Variants in CALD1 observed in about 807,000 individuals in gnomAD.
CALD1 encodes caldesmon 1.
A neutral mutation model predicts 99.9 loss-of-function variants in CALD1; 33 were observed. That is an observed-to-expected ratio of 0.33 (90% CI 0.25 to 0.44). The LOEUF (loss-of-function observed/expected upper bound fraction) is 0.44, where lower values mean the gene tolerates loss of function less well. Among genes scored for constraint, CALD1 ranks in the 20% least tolerant of loss-of-function variants. The probability of loss-of-function intolerance (pLI) is 1.00; values close to 1 mark genes in which losing one functional copy is unlikely to be tolerated. For synonymous variants in CALD1, 310 were observed against 325.0 expected (o/e 0.95, Z 0.50); for missense variants, 861 against 962.1 (o/e 0.89, Z 1.39).
intron 1 of CALD1, among the ~76,000 whole-genome samples, chr7:134,773,859 A>C (rs1215282061): frequency 6.9e-6 from 1 of 145,430 alleles, no homozygotes; most frequent in Non-Finnish European, 1.5e-5. Flanking sequence ...CTCTTTCCTT[A>C]ATGTGATGCT....
chr7:134,954,857 T>A (rs1236781992), intron 9 of CALD1, among the ~76,000 whole-genome samples: 3 of 152,234 alleles, frequency 2.0e-5, no homozygotes, highest in Non-Finnish European at 4.4e-5. Flanking sequence ...CTTTCCTGGC[T>A]AAGCCATGCA....
At chr7:134,879,475 C>T (rs1016384984) in intron 3 of CALD1, among the ~76,000 whole-genome samples, 3 of 152,178 alleles carry the variant, frequency 2.0e-5, no homozygotes, top group African/African-American at 7.2e-5. Context: ...TAAAGTACAA[C>T]TTTGAATTAT....
At chr7:134,941,282 A>AT in intron 7 of CALD1, 45 bp downstream of exon 7, 3 of 1,467,842 alleles carry the variant, frequency 2.0e-6, no homozygotes, top group South Asian at 1.3e-5. Flanking sequence ...TCACATGCAA[A>AT]GAAAAAAAAA....
intron 3 of CALD1, among the ~76,000 whole-genome samples, chr7:134,881,357 G>A (rs1451199950): frequency 6.6e-6 from 1 of 152,058 alleles, no homozygotes; most frequent in Non-Finnish European, 1.5e-5. Flanking sequence ...TCACATTAGA[G>A]CTAAATGTCC....
chr7:134,944,135 G>A (rs1247669043), intron 7 of CALD1, among the ~76,000 whole-genome samples: 3 of 152,188 alleles, frequency 2.0e-5, no homozygotes, highest in African/African-American at 7.2e-5. Context: ...TCACAGGCCT[G>A]TGAACCTAGA....
chr7:134,818,814 G>C (rs1563022443), intron 1 of CALD1, among the ~76,000 whole-genome samples: 1 of 152,172 alleles, frequency 6.6e-6, no homozygotes, highest in Non-Finnish European at 1.5e-5. Flanking sequence ...AGCTGGACAT[G>C]ATGTGAAGTT....
intron 3 of CALD1, among the ~76,000 whole-genome samples, chr7:134,893,424 G>C (rs1802343150): frequency 6.6e-6 from 1 of 152,174 alleles, no homozygotes; most frequent in African/African-American, 2.4e-5. Flanking sequence ...ATAAATAAAT[G>C]ATGGGCATAA....
intron 1 of CALD1, among the ~76,000 whole-genome samples, chr7:134,752,998 A>G (rs1796697775): frequency 7.3e-6 from 1 of 137,154 alleles, no homozygotes; most frequent in African/African-American, 2.8e-5. Context: ...CAACAGAACG[A>G]GACTCTGTAT....
At chr7:134,791,429 C>T (rs1454079557) in intron 1 of CALD1, among the ~76,000 whole-genome samples, 1 of 152,146 alleles carries the variant, frequency 6.6e-6, no homozygotes, top group Non-Finnish European at 1.5e-5. Flanking sequence ...AACTCCTGAC[C>T]TCAAGTGATC....
chr7:134,836,697 C>T (rs1799455312), intron 1 of CALD1, among the ~76,000 whole-genome samples: 1 of 152,198 alleles, frequency 6.6e-6, no homozygotes, highest in African/African-American at 2.4e-5. Context: ...GCTACTTTCC[C>T]ATGAGAAGTT....
chr7:134,925,068 A>T (rs1280824512), intron 3 of CALD1, among the ~76,000 whole-genome samples: 1 of 152,184 alleles, frequency 6.6e-6, no homozygotes, highest in East Asian at 1.9e-4. Context: ...GCAGTTCTTT[A>T]TAGCAGTGTG....
At chr7:134,789,565 A>G (rs1308730130) in intron 1 of CALD1, among the ~76,000 whole-genome samples, 2 of 152,154 alleles carry the variant, frequency 1.3e-5, no homozygotes, top group Admixed American at 1.3e-4. Flanking sequence ...ATATCTTGAA[A>G]CTGCTTTGCA....
chr7:134,910,909 G>C (rs1803756716), intron 3 of CALD1, among the ~76,000 whole-genome samples: 1 of 152,190 alleles, frequency 6.6e-6, no homozygotes, highest in Admixed American at 6.5e-5. Flanking sequence ...GAGAAGCAAA[G>C]AAATGCATTA....
intron 1 of CALD1, among the ~76,000 whole-genome samples, chr7:134,792,157 A>T (rs1425774593): frequency 3.9e-5 from 6 of 152,168 alleles, no homozygotes; most frequent in Admixed American, 3.9e-4. Flanking sequence ...AGGTGTCAGC[A>T]GGGTTGGTTC....
intron 3 of CALD1, among the ~76,000 whole-genome samples, chr7:134,906,001 C>T (rs575781204): frequency 5.1e-4 from 73 of 143,268 alleles, no homozygotes; most frequent in African/African-American, 1.9e-3. Context: ...GCGATCTTGG[C>T]TCACTGCAAC....
intron 1 of CALD1, among the ~76,000 whole-genome samples, chr7:134,773,135 C>T (rs1796889439): frequency 6.6e-6 from 1 of 152,056 alleles, no homozygotes; most frequent in South Asian, 2.1e-4. Context: ...TTTATTATTT[C>T]CTTTGATAAT....
At chr7:134,917,522 G>T (rs148305727) in intron 3 of CALD1, among the ~76,000 whole-genome samples, 1 of 152,014 alleles carries the variant, frequency 6.6e-6, no homozygotes, top group Non-Finnish European at 1.5e-5. Flanking sequence ...CTAACTTTTT[G>T]TATTTTTAGT....
At chr7:134,910,548 GGCATGT>G (rs1276623884) in intron 3 of CALD1, among the ~76,000 whole-genome samples, 1 of 152,094 alleles carries the variant, frequency 6.6e-6, no homozygotes, top group African/African-American at 2.4e-5. Flanking sequence ...GAGGTAAAAA[GGCATGT>G]GCTGGAGTTG....
intron 3 of CALD1, among the ~76,000 whole-genome samples, chr7:134,884,699 C>T (rs1391862272): frequency 1.3e-5 from 2 of 151,176 alleles, no homozygotes; most frequent in South Asian, 2.1e-4. Context: ...CTTGGTGCAG[C>T]GTCTCTACTC....
Sources: allele counts gnomAD v4.1 joint callset (sites outside exome capture counted in the v4.1 genomes callset), GRCh38; gene constraint gnomAD v4.1.1; transcripts MANE v1.5; gene names NCBI Gene and HGNC (gene_info 2026-07-23, HGNC 2026-07-21).